The following DGKG variants were observed in gnomAD, a reference collection of about 807,000 sequenced individuals.
The protein encoded by DGKG is diacylglycerol kinase gamma.
A neutral mutation model predicts 105.3 loss-of-function variants in DGKG; 78 were observed. The ratio of observed to expected loss-of-function variants is 0.74; its 90% CI spans 0.62 to 0.89. The LOEUF (loss-of-function observed/expected upper bound fraction) is 0.89. Among genes scored for constraint, DGKG ranks in the 40% least tolerant of loss-of-function variants. The pLI, the probability that DGKG is intolerant of heterozygous loss-of-function variation, is 0.00. For missense variants in DGKG, 958 were observed against 1,020.1 expected, an observed-to-expected ratio of 0.94 and a Z score of 0.83; for synonymous variants, 346 against 367.1, an observed-to-expected ratio of 0.94 and a Z score of 0.66.
At chr3:186,261,859 T>G in intron 14 of DGKG, 81 bp from the exon 15 acceptor site, 3 of 889,954 alleles carry the variant, frequency 3.4e-6, no homozygotes, top group Non-Finnish European at 5.1e-6. Flanking sequence ...CAAGACAGCT[T>G]CGGAGAGGCA....
chr3:186,299,767 C>G (rs1434046834), intron 3 of DGKG, among the ~76,000 whole-genome samples: 1 of 95,474 alleles, frequency 1.0e-5, no homozygotes, highest in Non-Finnish European at 2.2e-5. Flanking sequence ...TTCTTCTTTT[C>G]TCTTTCTTTC....
intron 24 of DGKG, among the ~76,000 whole-genome samples, chr3:186,152,570 C>T (rs1338276261): frequency 1.3e-5 from 2 of 152,204 alleles, no homozygotes; most frequent in Non-Finnish European, 2.9e-5. Context: ...GAAGTACTGA[C>T]TGATAAGCCC....
chr3:186,361,610 CAGA>C lies in DGKG; in HGVS notation c.-249+333_-249+335del, dbSNP rs1237983479. ...GATATCAAGGAGCCAAGGTTAAGTCCAGAAGAAGAAGGAAATCCGACCAGTTGC... is the reference window on the plus strand; with the variant it reads ...GATATCAAGGAGCCAAGGTTAAGTCCAGAAGAAGGAAATCCGACCAGTTGC... On this transcript the variant is annotated intron_variant, in intron 1 of 24. Transcript: ENST00000265022. This position sits in a 1 kb window ranked among gnomAD's most constrained non-coding sequence, Gnocchi z 6.8. Among the ~76,000 whole-genome samples the C allele has an allele frequency of 3.9e-5, 6 of 152,188 alleles. No homozygotes were observed. The highest frequency in any genetic ancestry group is 2.1e-4 in the South Asian group (1 of 4,830).
At chr3:186,344,765 T>C (rs1726249453) in intron 1 of DGKG, among the ~76,000 whole-genome samples, 1 of 152,160 alleles carries the variant, frequency 6.6e-6, no homozygotes, top group Non-Finnish European at 1.5e-5. Context: ...AATAAATAAG[T>C]CAATAAAATT....
intron 24 of DGKG, among the ~76,000 whole-genome samples, chr3:186,151,126 G>T (rs1246781042): frequency 2.0e-5 from 3 of 152,214 alleles, no homozygotes; most frequent in Non-Finnish European, 4.4e-5. Context: ...TTACTGAACT[G>T]TAAATGAGGA....
chr3:186,242,738 C>A (rs1720751195), intron 19 of DGKG, 170 bp from the exon 20 acceptor site: 3 of 542,204 alleles, frequency 5.5e-6, no homozygotes, highest in African/African-American at 1.9e-5. Flanking sequence ...CTCAACACTG[C>A]CTCCAGGGGG....
intron 1 of DGKG, among the ~76,000 whole-genome samples, chr3:186,347,230 C>T (rs1250972847): frequency 9.2e-5 from 14 of 151,892 alleles, no homozygotes; most frequent in African/African-American, 2.7e-4. Context: ...GGGCGGATCA[C>T]GAGGTCAGGA....
intron 5 of DGKG, among the ~76,000 whole-genome samples, chr3:186,296,589 T>C (rs1723573619): frequency 6.6e-6 from 1 of 152,206 alleles, no homozygotes; most frequent in Non-Finnish European, 1.5e-5. Context: ...AGTGGGCCTA[T>C]GGGCAGCAGG....
intron 2 of DGKG, among the ~76,000 whole-genome samples, chr3:186,319,070 C>A (rs1724955134): frequency 1.3e-5 from 2 of 152,168 alleles, no homozygotes; most frequent in Admixed American, 1.3e-4. Context: ...CTTTGCTGAC[C>A]TACAGAGCTA....
At chr3:186,353,661 T>TATCTAG (rs1726758307) in intron 1 of DGKG, among the ~76,000 whole-genome samples, 1 of 125,082 alleles carries the variant, frequency 8.0e-6, no homozygotes, top group Non-Finnish European at 1.6e-5. Context: ...TCTATGTCTA[T>TATCTAG]ATCTATATCT....
intron 19 of DGKG, among the ~76,000 whole-genome samples, chr3:186,250,044 G>A (rs1247783708): frequency 1.3e-5 from 2 of 152,130 alleles, no homozygotes; most frequent in African/African-American, 4.8e-5. Flanking sequence ...GTGAAACTGG[G>A]CAGCACAACT....
chr3:186,334,936 T>A lies in DGKG; in HGVS notation c.-248-14229A>T, dbSNP rs184120518. Among the ~76,000 whole-genome samples, 183 of 152,284 alleles carry A rather than the reference T, an allele frequency of 1.2e-3. 3 individuals are homozygous for A. Among genetic ancestry groups the A allele is most frequent in the African/African-American group, 4.3e-3 (178 of 41,550 alleles). ...TTTAAACATTGTCATTTGAATAAAG[T>A]ACAACATTGAAATCATTTCACAGGG... is the stretch of plus-strand genomic sequence containing the variant. On this transcript the variant is annotated intron_variant, in intron 1 of 24. Transcript: ENST00000265022.
At chr3:186,311,053 T>C (rs1724518006) in intron 2 of DGKG, among the ~76,000 whole-genome samples, 1 of 152,218 alleles carries the variant, frequency 6.6e-6, no homozygotes, top group Non-Finnish European at 1.5e-5. Flanking sequence ...GCCAGGACTC[T>C]TCCTCTATGA....
chr3:186,286,946 A>G (rs1185135105), intron 6 of DGKG, among the ~76,000 whole-genome samples: 1 of 152,096 alleles, frequency 6.6e-6, no homozygotes, highest in Non-Finnish European at 1.5e-5. Flanking sequence ...AGGCAGAAGA[A>G]TCACTTGAAC....
rs1054852213 is a variant in DGKG, at chr3:186,320,561, T to C, written c.-102A>G. 198 of 1,591,732 alleles carry C rather than the reference T, an allele frequency of 1.2e-4. No individual in the cohort carries two copies. Among genetic ancestry groups the C allele is most frequent in the Middle Eastern group, 1.2e-3 (7 of 5,886 alleles). ...GGCCTGGCTCATTGCAGGTTTGCGA[T>C]GTAAGCCTTTCAGGAGACTTCTGGG... On this transcript the variant is annotated 5_prime_UTR_variant, in exon 2 of 25. Transcript: ENST00000265022.
chr3:186,353,565 GTATATATA>G lies in DGKG; in HGVS notation c.-249+8373_-249+8380del, dbSNP rs66460527. On this transcript the variant is annotated intron_variant, in intron 1 of 24. Coordinates refer to ENST00000265022, the MANE Select transcript of DGKG (RefSeq NM_001346.3). The stretch of plus-strand genomic sequence containing the variant: ...CACTTTTATATATACTTTTATGTAT[GTATATATA>G]TATATATATATATATATACACACAC... 2.1e-3 allele frequency among the ~76,000 whole-genome samples: 249 copies of G among 117,014 alleles called. 1 individual carries two copies. The highest frequency in any genetic ancestry group is 9.6e-3 in the East Asian group (42 of 4,384). The allele number at this position is 117,014 out of a possible 152,430, so 76.8% of individuals were successfully genotyped here.
chr3:186,253,932 G>C (rs750494606), intron 17 of DGKG, among the ~76,000 whole-genome samples: 1 of 152,180 alleles, frequency 6.6e-6, no homozygotes, highest in Non-Finnish European at 1.5e-5. Context: ...AAACCTCCAG[G>C]TGTTATTTGG....
At chr3:186,283,075 A>ATTTTTTTTTTT (rs1183231249) in intron 7 of DGKG, among the ~76,000 whole-genome samples, 1 of 151,512 alleles carries the variant, frequency 6.6e-6, no homozygotes, top group African/African-American at 2.4e-5. Context: ...TGCCCGGCTA[A>ATTTTTTTTTTT]TTTTTGTATT....
intron 2 of DGKG, among the ~76,000 whole-genome samples, chr3:186,320,173 AT>A (rs1725012618): frequency 6.6e-6 from 1 of 152,160 alleles, no homozygotes; most frequent in African/African-American, 2.4e-5. Context: ...TTCTATGTAT[AT>A]TGCAAATTTC....
Sources: gnomAD v4.1 joint callset for allele counts (sites outside exome capture counted in the v4.1 genomes callset) on GRCh38, gnomAD v4.1.1 for gene constraint, Gnocchi (gnomAD v3.1) non-coding constraint, MANE v1.5 for transcripts, NCBI Gene and HGNC (gene_info 2026-07-23, HGNC 2026-07-21) for gene names.